Variants in KIF16B observed in about 807,000 individuals in gnomAD.
KIF16B encodes kinesin-like protein KIF16B.
KIF16B carries 98 observed loss-of-function variants against 156.3 expected under a neutral mutation model. The observed-to-expected ratio is 0.63, with a 90% confidence interval of 0.53 to 0.74. The LOEUF is 0.74. KIF16B is among the 30% of genes least tolerant of loss of function. The probability of loss-of-function intolerance (pLI) is 0.00; values close to 1 mark genes in which losing one functional copy is unlikely to be tolerated. For missense variants in KIF16B, 1,421 were observed against 1,606.5 expected, an observed-to-expected ratio of 0.88 and a Z score of 1.97; for synonymous variants, 564 against 583.7, an observed-to-expected ratio of 0.97 and a Z score of 0.49.
At chr20:16,464,997 G>A (rs1324997600) in intron 12 of KIF16B, among the ~76,000 whole-genome samples, 2 of 152,026 alleles carry the variant, frequency 1.3e-5, no homozygotes, top group Non-Finnish European at 2.9e-5. Flanking sequence ...TGAATTCTTA[G>A]AATGACCTTT....
At chr20:16,507,418 C>T (rs561566309) in intron 7 of KIF16B, among the ~76,000 whole-genome samples, 3 of 152,300 alleles carry the variant, frequency 2.0e-5, no homozygotes, top group South Asian at 4.1e-4. Context: ...TTCTACTGGC[C>T]TCAGTGTTCA....
intron 1 of KIF16B, among the ~76,000 whole-genome samples, chr20:16,553,808 A>G (rs1207567966): frequency 1.3e-5 from 2 of 148,310 alleles, no homozygotes; most frequent in Non-Finnish European, 3.0e-5. Flanking sequence ...TGCATGCTCC[A>G]CAGAGCCAGC....
chr20:16,401,961 G>A (rs1368733425), intron 17 of KIF16B, among the ~76,000 whole-genome samples: 5 of 152,114 alleles, frequency 3.3e-5, no homozygotes, highest in Admixed American at 3.3e-4. Flanking sequence ...TCATTCTAGT[G>A]GTTTGCCAGC....
rs1162818158 is a variant in KIF16B at position 16,356,327 on chromosome 20, C to T, written c.3621+3G>A. The T allele has an allele frequency of 6.2e-7, 1 of 1,613,982 alleles. No homozygotes were observed. Among genetic ancestry groups the T allele is most frequent in the Non-Finnish European group, 8.5e-7 (1 of 1,179,976 alleles). On this transcript the variant is annotated splice_donor_region_variant and intron_variant, in intron 23 of 25. Coordinates refer to ENST00000354981, the MANE Select transcript of KIF16B (RefSeq NM_024704.5). ...TCTCCAGAAGAGTCAAGAAGACACTCACCTTGACCTCAAACTCGAAGTGTG... is the reference window on the plus strand; with the variant it reads ...TCTCCAGAAGAGTCAAGAAGACACTTACCTTGACCTCAAACTCGAAGTGTG...
At chr20:16,341,047 T>A (rs2064132079) in intron 23 of KIF16B, among the ~76,000 whole-genome samples, 1 of 152,040 alleles carries the variant, frequency 6.6e-6, no homozygotes, top group South Asian at 2.1e-4. Context: ...TAATAGAAGG[T>A]GGGATGCTAC....
intron 12 of KIF16B, among the ~76,000 whole-genome samples, chr20:16,437,988 A>G (rs1568982018): frequency 1.4e-5 from 2 of 138,578 alleles, no homozygotes; most frequent in East Asian, 4.2e-4. Flanking sequence ...AAAAAAAATA[A>G]TAAAAAAAAA....
chr20:16,483,477 G>T (rs1213223775), intron 12 of KIF16B, among the ~76,000 whole-genome samples: 1 of 152,164 alleles, frequency 6.6e-6, no homozygotes, highest in Non-Finnish European at 1.5e-5. Context: ...CTGCCCAGCT[G>T]AGAAGATAGG....
intron 13 of KIF16B, among the ~76,000 whole-genome samples, chr20:16,429,517 C>T (rs77702023): frequency 0.021 from 3,190 of 152,168 alleles, 107 homozygotes; most frequent in African/African-American, 0.073. Flanking sequence ...TTTATAATTG[C>T]CACCAGGGAC....
At chr20:16,363,335 T>C (rs889909447) in intron 22 of KIF16B, among the ~76,000 whole-genome samples, 1 of 152,168 alleles carries the variant, frequency 6.6e-6, no homozygotes, top group Non-Finnish European at 1.5e-5. Flanking sequence ...GGTACTCAAA[T>C]TGAATATGTA....
At chr20:16,366,377 G>A (rs2064667102) in intron 22 of KIF16B, among the ~76,000 whole-genome samples, 1 of 152,184 alleles carries the variant, frequency 6.6e-6, no homozygotes, top group East Asian at 1.9e-4. Flanking sequence ...ACGAGAGAAA[G>A]TGAGACTCTG....
rs113824807 is a variant in KIF16B, at chr20:16,298,727, A to C, written c.3795+13608T>G. ...TGCAATTAGAAGTATAGTCCCACCT[A>C]TAAAGTGTTCTTGCAAAAAAAAATC... is the stretch of plus-strand genomic sequence containing the variant. On this transcript the variant is annotated intron_variant, in intron 25 of 25. Coordinates refer to ENST00000354981, the MANE Select transcript of KIF16B (RefSeq NM_024704.5). Among the ~76,000 whole-genome samples the C allele has an allele frequency of 6.9e-3, 1,055 of 152,256 alleles. 21 individuals carry two copies. Among genetic ancestry groups the C allele is most frequent in the African/African-American group, 0.024 (999 of 41,552 alleles).
At chr20:16,301,869 C>G (rs534205097) in intron 25 of KIF16B, among the ~76,000 whole-genome samples, 1 of 152,128 alleles carries the variant, frequency 6.6e-6, no homozygotes, top group East Asian at 1.9e-4. Flanking sequence ...AGGCTGGTCT[C>G]GAACTCCTGA....
intron 3 of KIF16B, among the ~76,000 whole-genome samples, chr20:16,525,436 C>T (rs900310889): frequency 3.3e-5 from 5 of 152,106 alleles, no homozygotes; most frequent in African/African-American, 7.2e-5. Context: ...TTCCCCACCC[C>T]GAGAAATATA....
At chr20:16,474,680 T>C (rs1247096701) in intron 12 of KIF16B, among the ~76,000 whole-genome samples, 1 of 152,184 alleles carries the variant, frequency 6.6e-6, no homozygotes, top group Non-Finnish European at 1.5e-5. Flanking sequence ...GATGTGATGA[T>C]GTGGTCACAA....
At chr20:16,317,316 T>C (rs1239139864) in intron 24 of KIF16B, among the ~76,000 whole-genome samples, 1 of 152,212 alleles carries the variant, frequency 6.6e-6, no homozygotes, top group Non-Finnish European at 1.5e-5. Context: ...CAGTGTCCTA[T>C]ATTTAAAGAA....
At position 16,427,099 on chromosome 20, in the gene KIF16B, G is replaced by T; in HGVS notation, c.1612+5C>A. 3.1e-6 allele frequency: 5 copies of T among 1,594,374 alleles called. No individual in the cohort carries two copies. Among genetic ancestry groups the T allele is most frequent in the South Asian group, 1.2e-5 (1 of 86,130 alleles). On this transcript the variant is annotated splice_donor_5th_base_variant and intron_variant, in intron 15 of 25. Coordinates refer to ENST00000354981, the MANE Select transcript of KIF16B (RefSeq NM_024704.5). Reference sequence around the variant, plus strand: ...CAAAGACCTGTGAAAATTAAAACCAGATACCTTGATTTAGATGTGTGGCCT... The same window carrying T: ...CAAAGACCTGTGAAAATTAAAACCATATACCTTGATTTAGATGTGTGGCCT...
intron 12 of KIF16B, among the ~76,000 whole-genome samples, chr20:16,437,215 C>G (rs537670765): frequency 6.6e-6 from 1 of 152,166 alleles, no homozygotes; most frequent in Non-Finnish European, 1.5e-5. Context: ...AGCAATAGTA[C>G]AGCATTTTCT....
chr20:16,380,250 A>G (rs2065063489), intron 18 of KIF16B, 87 bp from the exon 19 acceptor site: 1 of 1,230,460 alleles, frequency 8.1e-7, no homozygotes. Flanking sequence ...AAATGCACAT[A>G]CAACCAGGTC....
intron 12 of KIF16B, among the ~76,000 whole-genome samples, chr20:16,480,266 G>C (rs2067942500): frequency 6.6e-6 from 1 of 152,136 alleles, no homozygotes; most frequent in Admixed American, 6.5e-5. Flanking sequence ...TTTCATAACA[G>C]AGAAACACAG....
Sources: allele counts gnomAD v4.1 joint callset (sites outside exome capture counted in the v4.1 genomes callset), GRCh38; gene constraint gnomAD v4.1.1; transcripts MANE v1.5; gene names NCBI Gene and HGNC (gene_info 2026-07-23, HGNC 2026-07-21).